The following GPC5 variants were observed in gnomAD, a reference collection of about 807,000 sequenced individuals.
GPC5 encodes glypican-5.
GPC5 carries 47 observed loss-of-function variants against 53.9 expected under a neutral mutation model. That is an observed-to-expected ratio of 0.87 (90% CI 0.69 to 1.11). GPC5 has a LOEUF of 1.11. Among genes scored for constraint, GPC5 ranks in the 50% most tolerant of loss-of-function variants. The pLI is 0.00. For missense variants in GPC5, 748 were observed against 713.1 expected, an observed-to-expected ratio of 1.05 and a Z score of -0.56; for synonymous variants, 286 against 263.3, an observed-to-expected ratio of 1.09 and a Z score of -0.84.
At chr13:91,552,007 G>T (rs1052019595) in intron 2 of GPC5, among the ~76,000 whole-genome samples, 5 of 152,072 alleles carry the variant, frequency 3.3e-5, no homozygotes, top group Admixed American at 1.3e-4. Context: ...AATATTAACA[G>T]AAAGTAATAT....
chr13:92,214,109 G>A (rs1393979112), intron 7 of GPC5, among the ~76,000 whole-genome samples: 1 of 152,098 alleles, frequency 6.6e-6, no homozygotes, highest in African/African-American at 2.4e-5. Flanking sequence ...CAGTAGTTCT[G>A]AACTATATTG....
chr13:91,746,637 G>A (rs1313979434), intron 4 of GPC5, among the ~76,000 whole-genome samples: 2 of 152,124 alleles, frequency 1.3e-5, no homozygotes, highest in East Asian at 3.9e-4. Context: ...TAAATGAAGT[G>A]CAAGGTCAAA....
chr13:92,502,487 A>G (rs2138935525), intron 7 of GPC5, among the ~76,000 whole-genome samples: 1 of 152,112 alleles, frequency 6.6e-6, no homozygotes, highest in African/African-American at 2.4e-5. Flanking sequence ...AATTCGCTTC[A>G]GATATACATA....
At chr13:92,357,725 G>C (rs1184094293) in intron 7 of GPC5, among the ~76,000 whole-genome samples, 19 of 151,590 alleles carry the variant, frequency 1.3e-4, no homozygotes, top group Non-Finnish European at 2.9e-5. Context: ...GGCCAGAGCA[G>C]AAGAAGAGAG....
At chr13:91,525,008 A>G (rs928742875) in intron 2 of GPC5, among the ~76,000 whole-genome samples, 1 of 152,196 alleles carries the variant, frequency 6.6e-6, no homozygotes, top group Admixed American at 6.5e-5. Flanking sequence ...AAATGTTGAT[A>G]TTGAAGTTCC....
chr13:92,105,853 C>T (rs543070998), intron 6 of GPC5, among the ~76,000 whole-genome samples: 2 of 151,878 alleles, frequency 1.3e-5, no homozygotes, highest in Non-Finnish European at 2.9e-5. Context: ...ATTTTTAGCA[C>T]CCCAGAAAAA....
chr13:91,869,579 T>A (rs2039121221), intron 5 of GPC5, among the ~76,000 whole-genome samples: 1 of 152,190 alleles, frequency 6.6e-6, no homozygotes, highest in African/African-American at 2.4e-5. Context: ...TTGCTGAGAT[T>A]TTAATTTTGG....
intron 5 of GPC5, among the ~76,000 whole-genome samples, chr13:91,899,180 A>G (rs2039472513): frequency 6.6e-6 from 1 of 152,198 alleles, no homozygotes; most frequent in Non-Finnish European, 1.5e-5. Context: ...TTAGAAGAGA[A>G]CAAATCATTT....
At chr13:91,873,635 C>A (rs531992935) in intron 5 of GPC5, among the ~76,000 whole-genome samples, 10 of 152,236 alleles carry the variant, frequency 6.6e-5, no homozygotes, top group Non-Finnish European at 5.9e-5. Context: ...ACTGTGAGAC[C>A]TTTAAACCTC....
intron 5 of GPC5, among the ~76,000 whole-genome samples, chr13:91,867,084 A>G (rs992974930): frequency 9.9e-5 from 15 of 152,172 alleles, no homozygotes; most frequent in Non-Finnish European, 1.3e-4. Flanking sequence ...GCATGGTGGC[A>G]CATGCCTGTA....
At chr13:91,584,376 G>A (rs2032481713) in intron 2 of GPC5, among the ~76,000 whole-genome samples, 1 of 151,774 alleles carries the variant, frequency 6.6e-6, no homozygotes, top group Non-Finnish European at 1.5e-5. Flanking sequence ...TTGCTGGTTG[G>A]GTTAAACAAT....
At chr13:92,268,562 A>C (rs1271815303) in intron 7 of GPC5, among the ~76,000 whole-genome samples, 1 of 151,558 alleles carries the variant, frequency 6.6e-6, no homozygotes, top group Non-Finnish European at 1.5e-5. Flanking sequence ...TATATGATGG[A>C]TATTTAGGTA....
intron 6 of GPC5, among the ~76,000 whole-genome samples, chr13:92,029,142 A>G (rs1384923411): frequency 6.6e-6 from 1 of 152,198 alleles, no homozygotes; most frequent in Non-Finnish European, 1.5e-5. Context: ...CACCGTTTAG[A>G]AATCATTACA....
intron 6 of GPC5, among the ~76,000 whole-genome samples, chr13:91,930,688 T>G (rs1306372540): frequency 6.6e-6 from 1 of 151,970 alleles, no homozygotes; most frequent in African/African-American, 2.4e-5. Flanking sequence ...CAGTACTAAA[T>G]GCAAACACAT....
intron 6 of GPC5, among the ~76,000 whole-genome samples, chr13:92,038,865 A>G (rs975014358): frequency 1.3e-5 from 2 of 152,212 alleles, no homozygotes; most frequent in Non-Finnish European, 2.9e-5. Context: ...AAAGTAGATG[A>G]AAAATGGAGA....
rs181064044 is a variant in GPC5 at position 92,747,692 on chromosome 13, G to A, written c.1562-118590G>A. On this transcript the variant is annotated intron_variant, in intron 7 of 7. Coordinates refer to ENST00000377067, the MANE Select transcript of GPC5 (RefSeq NM_004466.6). ...CCTAAGAATTGAACTAGACATTGAT[G>A]GACAAGACCTTCCACTGACCATTGA... 1.2e-3 allele frequency among the ~76,000 whole-genome samples: 183 copies of A among 152,226 alleles called. 1 individual carries two copies. The highest frequency in any genetic ancestry group is 4.3e-3 in the African/African-American group (179 of 41,536).
intron 5 of GPC5, among the ~76,000 whole-genome samples, chr13:91,806,339 G>A (rs1047634029): frequency 5.3e-5 from 8 of 151,720 alleles, no homozygotes; most frequent in African/African-American, 1.9e-4. Context: ...CTGGCCAAAT[G>A]CAATGAATTT....
chr13:91,418,079 G>C (rs1461924059), intron 1 of GPC5, among the ~76,000 whole-genome samples: 2 of 152,048 alleles, frequency 1.3e-5, no homozygotes, highest in Non-Finnish European at 2.9e-5. Context: ...GTCCCTTTGT[G>C]CAATGTGTCC....
chr13:91,767,609 T>C (rs1354673660), intron 5 of GPC5, among the ~76,000 whole-genome samples: 1 of 152,138 alleles, frequency 6.6e-6, no homozygotes, highest in South Asian at 2.1e-4. Flanking sequence ...CCAAAGGAAA[T>C]AGGTATTTTA....
Sources: gnomAD v4.1 joint callset for allele counts (sites outside exome capture counted in the v4.1 genomes callset) on GRCh38, gnomAD v4.1.1 for gene constraint, MANE v1.5 for transcripts, NCBI Gene and HGNC (gene_info 2026-07-23, HGNC 2026-07-21) for gene names.